Variants in ADGB observed in about 807,000 individuals in gnomAD.
ADGB encodes the protein calpain-7-like protein.
A neutral mutation model predicts 210.5 loss-of-function variants in ADGB; 172 were observed. That is an observed-to-expected ratio of 0.82 (90% CI 0.72 to 0.93). The LOEUF (loss-of-function observed/expected upper bound fraction) is 0.93. ADGB is among the 40% of genes least tolerant of loss of function. The pLI is 0.00. For missense variants in ADGB, 2,025 were observed against 1,964.8 expected, an observed-to-expected ratio of 1.03 and a Z score of -0.58; for synonymous variants, 658 against 662.7, an observed-to-expected ratio of 0.99 and a Z score of 0.11.
intron 33 of ADGB, among the ~76,000 whole-genome samples, chr6:146,799,137 T>C (rs75332706): frequency 0.016 from 2,333 of 146,072 alleles, 74 homozygotes; most frequent in African/African-American, 0.056. Flanking sequence ...AACTTACTCA[T>C]CCTGATAAAG....
chr6:146,672,922 G>A (rs192990730), intron 8 of ADGB, among the ~76,000 whole-genome samples: 1 of 151,734 alleles, frequency 6.6e-6, no homozygotes, highest in Admixed American at 6.6e-5. Flanking sequence ...GTAGAGACAG[G>A]GTTTCACCAT....
intron 33 of ADGB, among the ~76,000 whole-genome samples, chr6:146,795,977 T>C (rs1207220367): frequency 6.6e-6 from 1 of 152,028 alleles, no homozygotes; most frequent in Non-Finnish European, 1.5e-5. Context: ...AGCTCCTAGA[T>C]CTGATAAATG....
intron 12 of ADGB, among the ~76,000 whole-genome samples, chr6:146,697,635 A>T (rs1327243085): frequency 6.6e-6 from 1 of 152,142 alleles, no homozygotes; most frequent in Non-Finnish European, 1.5e-5. Context: ...TGGGAAAAAA[A>T]AGTACAGTTA....
chr6:146,777,937 G>C (rs1777744821), intron 29 of ADGB, among the ~76,000 whole-genome samples: 1 of 152,144 alleles, frequency 6.6e-6, no homozygotes, highest in Non-Finnish European at 1.5e-5. Context: ...CAGGTTATCT[G>C]TATGATTTCT....
intron 1 of ADGB, among the ~76,000 whole-genome samples, chr6:146,600,061 C>A (rs920810700): frequency 6.6e-5 from 10 of 152,098 alleles, no homozygotes; most frequent in African/African-American, 2.4e-5. Flanking sequence ...GATTTAAACT[C>A]TTTTTCTTTG....
At chr6:146,788,974 T>A (rs1777919109) in intron 33 of ADGB, among the ~76,000 whole-genome samples, 1 of 152,198 alleles carries the variant, frequency 6.6e-6, no homozygotes, top group Non-Finnish European at 1.5e-5. Flanking sequence ...TAGATTTCCT[T>A]TTTACCTTTC....
intron 23 of ADGB, among the ~76,000 whole-genome samples, chr6:146,737,546 C>CAGACCCCATGCAGACCCCATTTTCAAG: frequency 6.6e-6 from 1 of 152,208 alleles, no homozygotes; most frequent in Non-Finnish European, 1.5e-5. Context: ...AGAGACTCTA[C>CAGACCCCATGCAGACCCCATTTTCAAG]AGACCCCATG....
At chr6:146,811,640 T>A (rs1778304485) in intron 35 of ADGB, among the ~76,000 whole-genome samples, 1 of 152,018 alleles carries the variant, frequency 6.6e-6, no homozygotes, top group Non-Finnish European at 1.5e-5. Flanking sequence ...TTCACTTGCT[T>A]TCTTCTTCTT....
At position 146,752,682 on chromosome 6, in the gene ADGB, TC is replaced by T. The variant is rs1777341812; in HGVS notation, c.3519del (p.Leu1174Ter). On this transcript the variant is annotated frameshift_variant, in exon 27 of 36. Transcript: ENST00000397944. LOFTEE classifies it high-confidence loss of function. ...CAAGCTATAATCCCAGCATTTCACTTCTTGAAGAGTGAGAAAGGTTTGAGCT... is the reference window on the plus strand; with the variant it reads ...CAAGCTATAATCCCAGCATTTCACTTTTGAAGAGTGAGAAAGGTTTGAGCT... Reference protein sequence around the residue: ...KGQAIIPAFHFLKSEKGLSSQ... With the variant: ...KGQAIIPAFHXLKSEKGLSSQ... The T allele has an allele frequency of 6.5e-7, 1 of 1,550,322 alleles. No individual in the cohort carries two copies. Among genetic ancestry groups the T allele is most frequent in the African/African-American group, 1.4e-5 (1 of 72,930 alleles).
At chr6:146,781,897 T>C in intron 29 of ADGB, 123 bp from the exon 30 acceptor site, 1 of 665,088 alleles carries the variant, frequency 1.5e-6, no homozygotes. Context: ...AAAATCTGTG[T>C]GATTGAAAAA....
intron 12 of ADGB, among the ~76,000 whole-genome samples, chr6:146,695,345 G>A (rs948989807): frequency 8.6e-5 from 13 of 151,946 alleles, no homozygotes; most frequent in African/African-American, 3.1e-4. Context: ...ATTAGTTAAC[G>A]TTGCTTTGTA....
intron 35 of ADGB, among the ~76,000 whole-genome samples, chr6:146,809,034 A>C (rs184422422): frequency 0.011 from 1,006 of 95,466 alleles, 8 homozygotes; most frequent in African/African-American, 0.055. Context: ...GAGAATGTGG[A>C]GGTCAAAAGG....
At chr6:146,664,136 A>AT (rs1312807972) in intron 5 of ADGB, 65 bp from the exon 6 acceptor site, 4 of 1,418,902 alleles carry the variant, frequency 2.8e-6, no homozygotes, top group African/African-American at 1.5e-5. Context: ...GCCACGTGCA[A>AT]TCATTTACGA....
Position 146,666,804 on chromosome 6 carries a change from G to A in ADGB, c.753-12G>A. ...TTTTGCTACCTGTAACATTATGCAT[G>A]TTCTTTTTTAGCATCCATGTAGCAG... On this transcript the variant is annotated splice_polypyrimidine_tract_variant and intron_variant, in intron 6 of 35. Transcript: ENST00000397944. 1 of 1,539,804 alleles carries A rather than the reference G, an allele frequency of 6.5e-7. No homozygotes were observed. The highest frequency in any genetic ancestry group is 8.8e-7 in the Non-Finnish European group (1 of 1,138,738).
intron 11 of ADGB, among the ~76,000 whole-genome samples, chr6:146,691,500 A>ATATATATTTTT (rs1257984997): frequency 7.3e-5 from 1 of 13,646 alleles, no homozygotes; most frequent in Non-Finnish European, 1.0e-4. Flanking sequence ...ATATATATAT[A>ATATATATTTTT]TTTTTTTTTT....
intron 4 of ADGB, 131 bp downstream of exon 4, chr6:146,654,337 T>A (rs1554225026): frequency 3.2e-4 from 111 of 342,222 alleles, no homozygotes; most frequent in South Asian, 1.6e-3. Context: ...TATATATATA[T>A]AATACCAAAA....
At chr6:146,722,542 T>C (rs1400505706) in intron 17 of ADGB, among the ~76,000 whole-genome samples, 1 of 152,204 alleles carries the variant, frequency 6.6e-6, no homozygotes, top group Non-Finnish European at 1.5e-5. Flanking sequence ...CCTGCTTACA[T>C]TTGAGGAGCA....
chr6:146,802,075 TTATA>T (rs778869407), intron 35 of ADGB, 64 bp downstream of exon 35: 51 of 1,081,876 alleles, frequency 4.7e-5, no homozygotes, highest in Non-Finnish European at 6.1e-5. Flanking sequence ...TAAAAAGAAA[TTATA>T]TAATTAAATA....
chr6:146,762,119 A>G lies in ADGB; in HGVS notation c.3551-1782A>G, dbSNP rs531528418. On this transcript the variant is annotated intron_variant, in intron 27 of 35. Transcript: ENST00000397944. ...ACTGCAAACACCCTTATGTCAAATA[A>G]GGTCACATTCTAAGTTATTGGGTGG... is the stretch of plus-strand genomic sequence containing the variant. 2.0e-5 allele frequency among the ~76,000 whole-genome samples: 3 copies of G among 151,018 alleles called. No homozygotes were observed. In the East Asian group the frequency reaches 5.9e-4, roughly 30 times the overall value.
Sources: allele counts gnomAD v4.1 joint callset (sites outside exome capture counted in the v4.1 genomes callset), GRCh38; gene constraint gnomAD v4.1.1; transcripts MANE v1.5; gene names NCBI Gene and HGNC (gene_info 2026-07-23, HGNC 2026-07-21).